The following STAT4 variants were observed in gnomAD, a reference collection of about 807,000 sequenced individuals.
STAT4 encodes signal transducer and activator of transcription 4.
STAT4 carries 42 observed loss-of-function variants against 110.5 expected under a neutral mutation model. That is an observed-to-expected ratio of 0.38 (90% CI 0.30 to 0.49). STAT4 has a LOEUF of 0.49. Among genes scored for constraint, STAT4 ranks in the 20% least tolerant of loss-of-function variants. STAT4 has a pLI of 0.95. For missense variants in STAT4, 632 were observed against 887.9 expected (o/e 0.71, Z 3.66); for synonymous variants, 284 against 302.2 (o/e 0.94, Z 0.63).
At position 191,032,554 on chromosome 2, in the gene STAT4, T is replaced by C. The variant is rs1373635298; in HGVS notation, c.2044+404A>G. Among the ~76,000 whole-genome samples, 1 of 152,128 alleles carries C rather than the reference T, an allele frequency of 6.6e-6. No homozygotes were observed. Among genetic ancestry groups the C allele is most frequent in the Non-Finnish European group, 1.5e-5 (1 of 68,014 alleles). ...TTAAAAATATAAAACTTATAAACCC[T>C]GGGGTTCCTTTGCAATATACAGACT... is the stretch of plus-strand genomic sequence containing the variant. On this transcript the variant is annotated intron_variant, in intron 21 of 23. Transcript: ENST00000392320. This position sits in a 1 kb window ranked among gnomAD's most constrained non-coding sequence, Gnocchi z 4.9.
chr2:191,132,824 G>GGCTCA (rs1202336413), intron 3 of STAT4, among the ~76,000 whole-genome samples: 2 of 148,854 alleles, frequency 1.3e-5, no homozygotes, highest in Admixed American at 1.3e-4. Flanking sequence ...GCGTGATCTC[G>GGCTCA]GCTCACTGCA....
At position 191,056,564 on chromosome 2, in the gene STAT4, T is replaced by C. The variant is rs76950048; in HGVS notation, c.1206+1454A>G. ...ATCCATTATTGCATGTGTGTATGTGTGTGTGTGTGCCTTTGTACTTCTGTA... is the reference window on the plus strand; with the variant it reads ...ATCCATTATTGCATGTGTGTATGTGCGTGTGTGTGCCTTTGTACTTCTGTA... On this transcript the variant is annotated intron_variant, in intron 13 of 23. Coordinates refer to ENST00000392320, the MANE Select transcript of STAT4 (RefSeq NM_003151.4). Among the ~76,000 whole-genome samples, 122 of 152,258 alleles carry C rather than the reference T, an allele frequency of 8.0e-4. 2 individuals are homozygous for C. In the East Asian group the frequency reaches 0.018, roughly 22 times the overall value.
rs16833206 is a variant in STAT4, at chr2:191,038,243, T to C, written c.1434+956A>G. Among the ~76,000 whole-genome samples, 714 of 152,296 alleles carry C rather than the reference T, an allele frequency of 4.7e-3. 6 individuals carry two copies. Among genetic ancestry groups the C allele is most frequent in the Middle Eastern group, 0.031 (9 of 294 alleles). On this transcript the variant is annotated intron_variant, in intron 16 of 23. Coordinates refer to ENST00000392320, the MANE Select transcript of STAT4 (RefSeq NM_003151.4). ...ATCAGGCGATTTCTCTGGTAAGTTC[T>C]GCTCTTTTTGGGGCACCCTGCACAG...
At chr2:191,070,313 TC>T (rs1380529587) in intron 5 of STAT4, among the ~76,000 whole-genome samples, 1 of 152,222 alleles carries the variant, frequency 6.6e-6, no homozygotes, top group Non-Finnish European at 1.5e-5. Flanking sequence ...GGTGATGTTT[TC>T]CTGTTCAGAT....
rs528221669 is a variant in STAT4 at position 191,042,888 on chromosome 2, T to C, written c.1252-1740A>G. Among the ~76,000 whole-genome samples the C allele has an allele frequency of 1.5e-3, 225 of 152,192 alleles. No homozygotes were observed. The highest frequency in any genetic ancestry group is 5.2e-3 in the African/African-American group (217 of 41,522). Reference sequence around the variant, plus strand: ...TCCGCCTCCTGGGTCCAAGTGATTCTCCTGCCTCAGCCTTCTGAGTAGCTG... The same window carrying C: ...TCCGCCTCCTGGGTCCAAGTGATTCCCCTGCCTCAGCCTTCTGAGTAGCTG... On this transcript the variant is annotated intron_variant, in intron 14 of 23. Transcript: ENST00000392320. This position sits in a 1 kb window ranked among gnomAD's most constrained non-coding sequence, Gnocchi z 4.2.
In STAT4 at chr2:191,099,028, G is replaced by T. The variant is rs1698084364; in HGVS notation, c.274-22703C>A. Among the ~76,000 whole-genome samples the T allele has an allele frequency of 1.3e-5, 2 of 151,746 alleles. No individual in the cohort carries two copies. The highest frequency in any genetic ancestry group is 4.8e-5 in the African/African-American group (2 of 41,368). On this transcript the variant is annotated intron_variant, in intron 3 of 23. Coordinates refer to ENST00000392320, the MANE Select transcript of STAT4 (RefSeq NM_003151.4). This position sits in a 1 kb window ranked among gnomAD's most constrained non-coding sequence, Gnocchi z 4.1. ...ATGTAGATAAGAGCCCTTTGAAATT[G>T]ATTTAAAATGCCTGATAGAAGGAAG... is the stretch of plus-strand genomic sequence containing the variant.
rs1698310364 is a variant in STAT4 at position 191,107,362 on chromosome 2, A to G, written c.274-31037T>C. Among the ~76,000 whole-genome samples the G allele has an allele frequency of 6.6e-6, 1 of 152,186 alleles. No homozygotes were observed. Among genetic ancestry groups the G allele is most frequent in the South Asian group, 2.1e-4 (1 of 4,834 alleles). On this transcript the variant is annotated intron_variant, in intron 3 of 23. Coordinates refer to ENST00000392320, the MANE Select transcript of STAT4 (RefSeq NM_003151.4). The surrounding 1 kb of genome is among the most constrained non-coding windows in gnomAD (Gnocchi z 4.2). ...CTTAAAGAAAAATATTCATAAAATA[A>G]TATTTATTGAGCACTTTCTGAGTGT...
chr2:191,110,697 C>T lies in STAT4; in HGVS notation c.274-34372G>A, dbSNP rs1698400011. Among the ~76,000 whole-genome samples the T allele has an allele frequency of 6.6e-6, 1 of 152,178 alleles. No homozygotes were observed. ...TGCCAAGGAGAAAATGCATGAATTT[C>T]AGTTGATACAACTGAAGTACCGTAT... On this transcript the variant is annotated intron_variant, in intron 3 of 23. Coordinates refer to ENST00000392320, the MANE Select transcript of STAT4 (RefSeq NM_003151.4). This position sits in a 1 kb window ranked among gnomAD's most constrained non-coding sequence, Gnocchi z 4.5.
rs1046350536 is a variant in STAT4, at chr2:191,113,316, C to A, written c.273+33297G>T. 6.6e-6 allele frequency among the ~76,000 whole-genome samples: 1 copy of A among 152,128 alleles called. No individual in the cohort carries two copies. The highest frequency in any genetic ancestry group is 2.4e-5 in the African/African-American group (1 of 41,432). On this transcript the variant is annotated intron_variant, in intron 3 of 23. Transcript: ENST00000392320. The surrounding 1 kb of genome is among the most constrained non-coding windows in gnomAD (Gnocchi z 4.8). ...GCATTATCTCTCCTATTTTTTCCTT[C>A]TTTGCATCTGAACTTGTCTCTTAGT... is the stretch of plus-strand genomic sequence containing the variant.
rs1047320721 is a variant in STAT4, at chr2:191,138,786, C to A, written c.273+7827G>T. 6.6e-6 allele frequency among the ~76,000 whole-genome samples: 1 copy of A among 152,054 alleles called. No homozygotes were observed. Among genetic ancestry groups the A allele is most frequent in the Non-Finnish European group, 1.5e-5 (1 of 67,992 alleles). ...GCCAGTATCACCCTAATACCAAAAC[C>A]AGGAAAGGGCATAACAAGAAAACTA... On this transcript the variant is annotated intron_variant, in intron 3 of 23. Transcript: ENST00000392320. The surrounding 1 kb of genome is among the most constrained non-coding windows in gnomAD (Gnocchi z 4.3).
chr2:191,030,482 T>G lies in STAT4; in HGVS notation c.2220+490A>C, dbSNP rs1695858676. Among the ~76,000 whole-genome samples the G allele has an allele frequency of 1.3e-5, 2 of 152,202 alleles. No homozygotes were observed. Among genetic ancestry groups the G allele is most frequent in the Non-Finnish European group, 2.9e-5 (2 of 68,036 alleles). On this transcript the variant is annotated intron_variant, in intron 23 of 23. Coordinates refer to ENST00000392320, the MANE Select transcript of STAT4 (RefSeq NM_003151.4). The surrounding 1 kb of genome is among the most constrained non-coding windows in gnomAD (Gnocchi z 4.4). ...TTGACTGTTATTCATATATTATTGA[T>G]GAGGCTCCGGGTTCTAGAAATGCAA...
chr2:191,151,366 T>TA, upstream of STAT4: 1 of 985,708 alleles, frequency 1.0e-6, no homozygotes, highest in Non-Finnish European at 1.2e-6. This position sits in a 1 kb window ranked among gnomAD's most constrained non-coding sequence, Gnocchi z 4.7. Context: ...CCTCTCTCCC[T>TA]AGTATAAGGC....
chr2:191,136,713 T>G (rs1161024623), intron 3 of STAT4, among the ~76,000 whole-genome samples: 1 of 90,640 alleles, frequency 1.1e-5, no homozygotes, highest in African/African-American at 4.0e-5. Context: ...ATCACACCAC[T>G]GAACTCTATC....
rs1696188351 is a variant in STAT4 at position 191,041,161 on chromosome 2, GA to G, written c.1252-14del. ...CCATGTGACAGCCCTAAGGAAGAGAGAAATAAATTGTTACCTCACAAATGCA... is the reference window on the plus strand; with the variant it reads ...CCATGTGACAGCCCTAAGGAAGAGAGAATAAATTGTTACCTCACAAATGCA... On this transcript the variant is annotated splice_polypyrimidine_tract_variant and intron_variant, in intron 14 of 23. Coordinates refer to ENST00000392320, the MANE Select transcript of STAT4 (RefSeq NM_003151.4). 1 of 1,394,708 alleles carries G rather than the reference GA, an allele frequency of 7.2e-7. No homozygotes were observed. Among genetic ancestry groups the G allele is most frequent in the African/African-American group, 1.5e-5 (1 of 67,780 alleles). 86.4% of individuals were successfully genotyped at this position (1,394,708 alleles called of 1,614,324 possible).
intron 3 of STAT4, among the ~76,000 whole-genome samples, chr2:191,087,193 C>G (rs530037049): frequency 1.3e-5 from 2 of 152,076 alleles, no homozygotes; most frequent in Non-Finnish European, 2.9e-5. Flanking sequence ...AGATATGAAA[C>G]AATATATTTA....
At chr2:191,124,423 C>A (rs1269423876) in intron 3 of STAT4, among the ~76,000 whole-genome samples, 1 of 144,554 alleles carries the variant, frequency 6.9e-6, no homozygotes, top group African/African-American at 2.6e-5. Context: ...CCACTGCACT[C>A]CAGCCTGGCG....
rs549979609 is a variant in STAT4 at position 191,053,787 on chromosome 2, T to C, written c.1251+703A>G. 3.3e-5 allele frequency among the ~76,000 whole-genome samples: 5 copies of C among 152,314 alleles called. No individual in the cohort carries two copies. Among genetic ancestry groups the C allele is most frequent in the East Asian group, 3.9e-4 (2 of 5,188 alleles). On this transcript the variant is annotated intron_variant, in intron 14 of 23. Transcript: ENST00000392320. This position sits in a 1 kb window ranked among gnomAD's most constrained non-coding sequence, Gnocchi z 4.5. ...GGCACACCTATAAAATGTAATGTAA[T>C]GCAAGCAATGTAAATCATGTTCTCC... is the stretch of plus-strand genomic sequence containing the variant.
At chr2:191,145,600 AT>A (rs1303326604) in intron 3 of STAT4, among the ~76,000 whole-genome samples, 3 of 152,188 alleles carry the variant, frequency 2.0e-5, no homozygotes, top group Non-Finnish European at 4.4e-5. Context: ...TTTACAGGGG[AT>A]TACAAGGGCA....
At position 191,033,360 on chromosome 2, in the gene STAT4, C is replaced by CT; in HGVS notation, c.1852+129dup. On this transcript the variant is annotated intron_variant, in intron 20 of 23. Coordinates refer to ENST00000392320, the MANE Select transcript of STAT4 (RefSeq NM_003151.4). This position sits in a 1 kb window ranked among gnomAD's most constrained non-coding sequence, Gnocchi z 6.9. Reference sequence around the variant, plus strand: ...GTACCCTGTTCTGAGACAACTGCAACTACTAATATTCAAGCCCACTGAATA... The same window carrying CT: ...GTACCCTGTTCTGAGACAACTGCAACTTACTAATATTCAAGCCCACTGAATA... 1 of 1,216,640 alleles carries CT rather than the reference C, an allele frequency of 8.2e-7. No homozygotes were observed. The highest frequency in any genetic ancestry group is 1.6e-5 in the South Asian group (1 of 62,946). 75.4% of individuals were successfully genotyped at this position (1,216,640 alleles called of 1,614,324 possible). A position where few individuals can be genotyped will look rare whatever the true frequency, so the allele number is the denominator to read the frequency against.
Sources: gnomAD v4.1 joint callset for allele counts (sites outside exome capture counted in the v4.1 genomes callset) on GRCh38, gnomAD v4.1.1 for gene constraint, Gnocchi (gnomAD v3.1) non-coding constraint, MANE v1.5 for transcripts, NCBI Gene and HGNC (gene_info 2026-07-23, HGNC 2026-07-21) for gene names.